Variants in ZDHHC14 observed in about 807,000 individuals in gnomAD.
ZDHHC14 encodes zDHHC palmitoyltransferase 14.
A neutral mutation model predicts 47.7 loss-of-function variants in ZDHHC14; 16 were observed. The observed-to-expected ratio is 0.34, with a 90% CI of 0.23 to 0.51. ZDHHC14 has a LOEUF of 0.51. ZDHHC14 is among the 20% of genes least tolerant of loss of function. The pLI, the probability that ZDHHC14 is intolerant of heterozygous loss-of-function variation, is 0.97. For missense variants in ZDHHC14, 515 were observed against 662.5 expected (o/e 0.78, Z 2.44); for synonymous variants, 293 against 278.9 (o/e 1.05, Z -0.50).
At chr6:157,435,051 T>C (rs1253784264) in intron 1 of ZDHHC14, among the ~76,000 whole-genome samples, 1 of 152,240 alleles carries the variant, frequency 6.6e-6, no homozygotes, top group Non-Finnish European at 1.5e-5. Flanking sequence ...AACACAGATC[T>C]CCATGGCTAT....
At chr6:157,550,822 T>A (rs1380333754) in intron 2 of ZDHHC14, among the ~76,000 whole-genome samples, 1 of 152,228 alleles carries the variant, frequency 6.6e-6, no homozygotes, top group Non-Finnish European at 1.5e-5. Context: ...CAATGTCACT[T>A]TCTTTAGAGT....
At position 157,382,093 on chromosome 6, in the gene ZDHHC14, C is replaced by G. The variant is rs1777224517; in HGVS notation, c.72C>G (p.Pro24=). 1.2e-6 allele frequency: 2 copies of G among 1,611,222 alleles called. No individual in the cohort carries two copies. The highest frequency in any genetic ancestry group is 8.5e-7 in the Non-Finnish European group (1 of 1,178,824). Residue 24 remains proline, a synonymous_variant, in exon 1 of 9, where the codon CCC becomes CCG. Coordinates refer to ENST00000359775, the MANE Select transcript of ZDHHC14 (RefSeq NM_024630.3). ...AGATCAGCACCCACAGCTCCTCCCC[C>G]ATGGAGTCGCCCCACAAGAAGAAGA... ...YSQISTHSSS[P]MESPHKKKKI...
chr6:157,644,450 A>G (rs775478983), intron 5 of ZDHHC14, among the ~76,000 whole-genome samples: 2 of 152,084 alleles, frequency 1.3e-5, no homozygotes, highest in Non-Finnish European at 2.9e-5. Flanking sequence ...CTGGTTCCCT[A>G]CCACTCCCCG....
chr6:157,442,236 A>T (rs1446626975), intron 1 of ZDHHC14, among the ~76,000 whole-genome samples: 1 of 152,142 alleles, frequency 6.6e-6, no homozygotes. Flanking sequence ...TACAAAAATT[A>T]TCTGGATATG....
chr6:157,473,441 C>T (rs1273687674), intron 1 of ZDHHC14, among the ~76,000 whole-genome samples: 1 of 152,230 alleles, frequency 6.6e-6, no homozygotes, highest in African/African-American at 2.4e-5. Flanking sequence ...GTTTATTTCA[C>T]TTAACGTAAT....
At chr6:157,412,830 T>C (rs1040774302) in intron 1 of ZDHHC14, among the ~76,000 whole-genome samples, 2 of 152,226 alleles carry the variant, frequency 1.3e-5, no homozygotes, top group African/African-American at 4.8e-5. Context: ...GAAATAAATT[T>C]TCATGAGAGC....
In ZDHHC14 at chr6:157,381,536, C is replaced by T. The variant is rs1338082626; in HGVS notation, c.-486C>T. The stretch of plus-strand genomic sequence containing the variant: ...ATCCGCTGCCGGAGGAAGGAGTGGA[C>T]CCAACCTGGCCGCGCCGCAGAAGTG... On this transcript the variant is annotated 5_prime_UTR_variant, in exon 1 of 9. Coordinates refer to ENST00000359775, the MANE Select transcript of ZDHHC14 (RefSeq NM_024630.3). 1 of 407,136 alleles carries T rather than the reference C, an allele frequency of 2.5e-6. No homozygotes were observed. Among genetic ancestry groups the T allele is most frequent in the South Asian group, 1.7e-5 (1 of 60,168 alleles). 25.2% of individuals were successfully genotyped at this position (407,136 alleles called of 1,614,324 possible).
At chr6:157,638,248 C>T (rs1477295741) in intron 5 of ZDHHC14, among the ~76,000 whole-genome samples, 2 of 152,192 alleles carry the variant, frequency 1.3e-5, no homozygotes, top group Non-Finnish European at 2.9e-5. Context: ...GGGATGCAGC[C>T]TTGGAGGGTG....
At chr6:157,598,311 G>A (rs1229663064) in intron 3 of ZDHHC14, among the ~76,000 whole-genome samples, 1 of 152,184 alleles carries the variant, frequency 6.6e-6, no homozygotes, top group Non-Finnish European at 1.5e-5. Context: ...AGGAAAGCAG[G>A]TCATTGGAGG....
chr6:157,408,082 C>T (rs1282875939), intron 1 of ZDHHC14, among the ~76,000 whole-genome samples: 2 of 152,168 alleles, frequency 1.3e-5, no homozygotes, highest in African/African-American at 2.4e-5. Flanking sequence ...ATTTTGTGGG[C>T]AAGTTGTGAT....
chr6:157,450,543 A>T (rs1372681273), intron 1 of ZDHHC14, among the ~76,000 whole-genome samples: 1 of 150,500 alleles, frequency 6.6e-6, no homozygotes, highest in African/African-American at 2.4e-5. Flanking sequence ...AATCCTGAAC[A>T]CTCAATATTC....
chr6:157,521,071 G>T (rs1398246302), intron 1 of ZDHHC14, among the ~76,000 whole-genome samples: 1 of 152,234 alleles, frequency 6.6e-6, no homozygotes, highest in African/African-American at 2.4e-5. Flanking sequence ...AAGTGCAAGG[G>T]ATTGGGGGAG....
At chr6:157,588,775 A>G (rs1414828639) in intron 2 of ZDHHC14, among the ~76,000 whole-genome samples, 1 of 152,102 alleles carries the variant, frequency 6.6e-6, no homozygotes, top group Non-Finnish European at 1.5e-5. Context: ...GAATGTGTGG[A>G]CTGGGGAGTA....
At chr6:157,384,117 T>C (rs1184532265) in intron 1 of ZDHHC14, among the ~76,000 whole-genome samples, 1 of 152,200 alleles carries the variant, frequency 6.6e-6, no homozygotes, top group Non-Finnish European at 1.5e-5. Flanking sequence ...CAGATCCAAA[T>C]TGGCACTTTT....
intron 3 of ZDHHC14, among the ~76,000 whole-genome samples, chr6:157,610,282 A>G (rs1220750302): frequency 6.6e-6 from 1 of 152,134 alleles, no homozygotes; most frequent in African/African-American, 2.4e-5. Flanking sequence ...AATACAAAAA[A>G]TTAGTCAGGC....
intron 3 of ZDHHC14, among the ~76,000 whole-genome samples, chr6:157,627,348 C>T (rs1373038362): frequency 6.6e-6 from 1 of 152,140 alleles, no homozygotes; most frequent in Admixed American, 6.5e-5. Context: ...TAGAAAACAG[C>T]CGGAGGAGAA....
intron 8 of ZDHHC14, among the ~76,000 whole-genome samples, chr6:157,670,499 G>C (rs1014916004): frequency 2.6e-5 from 4 of 152,074 alleles, no homozygotes; most frequent in African/African-American, 9.7e-5. Flanking sequence ...TTGCCATGTT[G>C]CCCAAGCTGG....
In ZDHHC14 at chr6:157,467,626, T is replaced by G. The variant is rs527317487; in HGVS notation, c.246-74959T>G. 2.6e-5 allele frequency among the ~76,000 whole-genome samples: 4 copies of G among 152,118 alleles called. No homozygotes were observed. In the South Asian group the frequency reaches 8.3e-4, roughly 32 times the overall value. ...GTACAGTGACATGATCTTGGCTCAC[T>G]GCAACCTCCATCTCCCGGGTTCAAG... On this transcript the variant is annotated intron_variant, in intron 1 of 8. Transcript: ENST00000359775.
At chr6:157,565,372 G>A (rs1292615323) in intron 2 of ZDHHC14, among the ~76,000 whole-genome samples, 1 of 152,208 alleles carries the variant, frequency 6.6e-6, no homozygotes, top group African/African-American at 2.4e-5. Context: ...CTTGCCTATT[G>A]TGTGCCTTCA....
Sources: gnomAD v4.1 joint callset for allele counts (sites outside exome capture counted in the v4.1 genomes callset) on GRCh38, gnomAD v4.1.1 for gene constraint, MANE v1.5 for transcripts, NCBI Gene and HGNC (gene_info 2026-07-23, HGNC 2026-07-21) for gene names.